LMNB1: variants seen among roughly 807,000 people sequenced by gnomAD.
LMNB1 encodes lamin-B1.
LMNB1 carries 23 observed loss-of-function variants against 67.1 expected under a neutral mutation model. The ratio of observed to expected loss-of-function variants is 0.34; its 90% CI spans 0.25 to 0.49. LMNB1 has a LOEUF of 0.49. Ranked by LOEUF, LMNB1 falls within the 20% of genes least tolerant of loss-of-function variation. LMNB1 has a pLI of 0.99. For missense variants in LMNB1, 634 were observed against 746.5 expected (o/e 0.85, Z 1.76); for synonymous variants, 281 against 282.9 (o/e 0.99, Z 0.07).
intron 6 of LMNB1, among the ~76,000 whole-genome samples, chr5:126,819,839 G>A (rs1751816106): frequency 1.3e-5 from 2 of 152,058 alleles, no homozygotes; most frequent in Non-Finnish European, 2.9e-5. Context: ...TTTGACACCT[G>A]TTCTCAGAAA....
chr5:126,798,780 T>TGTGTGTGTGTGTGTGC (rs1314378520), intron 1 of LMNB1, among the ~76,000 whole-genome samples: 29 of 151,894 alleles, frequency 1.9e-4, no homozygotes, highest in Admixed American at 1.6e-3. Flanking sequence ...TGTGTGTGTG[T>TGTGTGTGTGTGTGTGC]GTGTGCGTGT....
intron 5 of LMNB1, 50 bp from the exon 6 acceptor site, chr5:126,818,872 C>A: frequency 1.6e-6 from 2 of 1,277,756 alleles, no homozygotes; most frequent in Non-Finnish European, 1.1e-6. Flanking sequence ...CTGCCTGGTG[C>A]TAATGTTGGA....
At chr5:126,808,869 T>C (rs1751518312) in intron 3 of LMNB1, among the ~76,000 whole-genome samples, 1 of 151,778 alleles carries the variant, frequency 6.6e-6, no homozygotes, top group Non-Finnish European at 1.5e-5. Flanking sequence ...GATATTACCA[T>C]TCTAATTATT....
intron 3 of LMNB1, among the ~76,000 whole-genome samples, chr5:126,809,386 T>C (rs1751530558): frequency 6.6e-6 from 1 of 152,170 alleles, no homozygotes; most frequent in African/African-American, 2.4e-5. Context: ...TATTATTATG[T>C]CTAAGAAAAT....
chr5:126,835,173 A>AAAAAT (rs1752221199), intron 10 of LMNB1, among the ~76,000 whole-genome samples: 1 of 152,312 alleles, frequency 6.6e-6, no homozygotes, highest in South Asian at 2.1e-4. Context: ...AGAGAAGAAA[A>AAAAAT]AAAATAAAGA....
rs369154576 is a variant in LMNB1 at position 126,799,287 on chromosome 5, C to G, written c.360-5489C>G. Among the ~76,000 whole-genome samples, 358 of 152,344 alleles carry G rather than the reference C, an allele frequency of 2.3e-3. 1 individual carries two copies. The highest frequency in any genetic ancestry group is 7.6e-3 in the African/African-American group (317 of 41,580). ...CCTGCCTCCCAAACTGCTGGGATTA[C>G]AGGCGTGAGCCACCGCGCCCGGCCG... On this transcript the variant is annotated intron_variant, in intron 1 of 10. Transcript: ENST00000261366.
At chr5:126,812,005 G>T in intron 5 of LMNB1, 107 bp downstream of exon 5, 1 of 1,132,598 alleles carries the variant, frequency 8.8e-7, no homozygotes, top group Non-Finnish European at 1.3e-6. Context: ...GTTTGTTACA[G>T]AGGATGGTGT....
chr5:126,820,877 T>A (rs1221259181), intron 6 of LMNB1, 33 bp from the exon 7 acceptor site: 1 of 1,541,322 alleles, frequency 6.5e-7, no homozygotes, highest in Non-Finnish European at 8.9e-7. Context: ...CATATGTGTT[T>A]TAAAAATGAA....
intron 1 of LMNB1, among the ~76,000 whole-genome samples, chr5:126,796,482 A>G (rs1751095734): frequency 6.6e-6 from 1 of 152,198 alleles, no homozygotes; most frequent in Non-Finnish European, 1.5e-5. Context: ...AAAACAAGTC[A>G]AGGTCAAACT....
chr5:126,792,567 ATTTTTTTTTTT>A (rs752371260), intron 1 of LMNB1, among the ~76,000 whole-genome samples: 1 of 99,154 alleles, frequency 1.0e-5, no homozygotes, highest in Non-Finnish European at 2.0e-5. Context: ...AGCACTAGGG[ATTTTTTTTTTT>A]TTTTTTTTTT....
At chr5:126,809,458 A>G (rs1367883539) in intron 3 of LMNB1, among the ~76,000 whole-genome samples, 5 of 152,200 alleles carry the variant, frequency 3.3e-5, no homozygotes, top group Non-Finnish European at 7.3e-5. Context: ...TGGCTGAGGC[A>G]GATGGATCAC....
chr5:126,833,671 C>A (rs1441993668), intron 10 of LMNB1, among the ~76,000 whole-genome samples: 1 of 152,196 alleles, frequency 6.6e-6, no homozygotes, highest in African/African-American at 2.4e-5. Flanking sequence ...GTTCCATTTT[C>A]TGTGCTTCAA....
chr5:126,799,260 C>T (rs1297950426), intron 1 of LMNB1, among the ~76,000 whole-genome samples: 2 of 152,196 alleles, frequency 1.3e-5, no homozygotes, highest in Non-Finnish European at 2.9e-5. Context: ...CCTCGTGATC[C>T]GCCTGCCTCC....
Position 126,796,891 on chromosome 5 carries a change from C to T in LMNB1, c.360-7885C>T, listed in dbSNP as rs546149183. Among the ~76,000 whole-genome samples the T allele has an allele frequency of 7.4e-5, 11 of 149,242 alleles. No homozygotes were observed. In the South Asian group the frequency reaches 1.1e-3, roughly 14 times the overall value. On this transcript the variant is annotated intron_variant, in intron 1 of 10. Coordinates refer to ENST00000261366, the MANE Select transcript of LMNB1 (RefSeq NM_005573.4). Reference sequence around the variant, plus strand: ...CAACCTCCACACCCCCAGATTCAAGCGATTCTCCTGCCTCAGCCTCCCGAG... The same window carrying T: ...CAACCTCCACACCCCCAGATTCAAGTGATTCTCCTGCCTCAGCCTCCCGAG...
At chr5:126,801,018 C>T (rs1325273479) in intron 1 of LMNB1, among the ~76,000 whole-genome samples, 2 of 93,562 alleles carry the variant, frequency 2.1e-5, no homozygotes, top group Admixed American at 2.7e-4. Context: ...GGGTCTCACT[C>T]TCTCACCAAG....
chr5:126,836,086 G>A (rs1332040889), intron 10 of LMNB1, 137 bp from the exon 11 acceptor site: 2 of 673,588 alleles, frequency 3.0e-6, no homozygotes, highest in Non-Finnish European at 5.3e-6. Flanking sequence ...GGTTAGAAAA[G>A]ATGAGAGATG....
chr5:126,809,560 G>T (rs1415824958), intron 3 of LMNB1, among the ~76,000 whole-genome samples: 2 of 152,126 alleles, frequency 1.3e-5, no homozygotes, highest in African/African-American at 4.8e-5. Flanking sequence ...GGTGGTATGT[G>T]CCTGTAATCC....
At chr5:126,816,098 CTTT>C (rs574388006) in intron 5 of LMNB1, among the ~76,000 whole-genome samples, 1 of 147,472 alleles carries the variant, frequency 6.8e-6, no homozygotes, top group African/African-American at 2.5e-5. Flanking sequence ...ACTTACATGA[CTTT>C]TTTTTTTTCT....
intron 1 of LMNB1, among the ~76,000 whole-genome samples, chr5:126,800,973 A>ATATATATG (rs1554113735): frequency 4.9e-5 from 3 of 60,812 alleles, no homozygotes; most frequent in Admixed American, 4.1e-4. Flanking sequence ...ATATATATAT[A>ATATATATG]TATATATAAT....
Sources: gnomAD v4.1 joint callset for allele counts (sites outside exome capture counted in the v4.1 genomes callset) on GRCh38, gnomAD v4.1.1 for gene constraint, MANE v1.5 for transcripts, NCBI Gene and HGNC (gene_info 2026-07-23, HGNC 2026-07-21) for gene names.